The following TMEM117 variants were observed in gnomAD, a reference collection of about 807,000 sequenced individuals.
TMEM117 encodes transmembrane protein 117.
Under a neutral mutation model 52.4 loss-of-function variants are expected in TMEM117, and 27 were observed. The ratio of observed to expected loss-of-function variants is 0.51; its 90% confidence interval spans 0.38 to 0.71. TMEM117 has a LOEUF of 0.71. TMEM117 is among the 30% of genes least tolerant of loss of function. The pLI is 0.00. For missense variants in TMEM117, 556 were observed against 630.5 expected, an observed-to-expected ratio of 0.88 and a Z score of 1.26; for synonymous variants, 215 against 206.3, an observed-to-expected ratio of 1.04 and a Z score of -0.36.
chr12:43,813,825 A>G, the TMEM117 span, among the ~76,000 whole-genome samples: 2 of 151,938 alleles, frequency 1.3e-5, no homozygotes, highest in South Asian at 2.1e-4. Context: ...TTTAGCCTCA[A>G]TTTTGTTTCA....
intron 5 of TMEM117, among the ~76,000 whole-genome samples, chr12:44,230,195 G>A (rs1592625073): frequency 1.3e-5 from 2 of 152,132 alleles, no homozygotes; most frequent in Admixed American, 6.6e-5. Context: ...AGAGTGGTTC[G>A]TGACTTGCTG....
intron 3 of TMEM117, among the ~76,000 whole-genome samples, chr12:43,984,076 A>C (rs967290779): frequency 1.3e-5 from 2 of 152,100 alleles, no homozygotes; most frequent in Non-Finnish European, 2.9e-5. Context: ...GGGGATTAAA[A>C]GTATATCATG....
At chr12:43,907,375 A>T (rs904167498) in intron 2 of TMEM117, among the ~76,000 whole-genome samples, 32 of 151,310 alleles carry the variant, frequency 2.1e-4, no homozygotes, top group Non-Finnish European at 3.5e-4. Context: ...CCAAAAGTAG[A>T]TAAAACCACA....
At chr12:44,116,463 C>T (rs1041361808) in intron 3 of TMEM117, among the ~76,000 whole-genome samples, 1 of 151,900 alleles carries the variant, frequency 6.6e-6, no homozygotes, top group African/African-American at 2.4e-5. Context: ...ATTATGGCCT[C>T]AATTTCCTTT....
chr12:44,047,662 T>C (rs930998397), intron 3 of TMEM117, among the ~76,000 whole-genome samples: 5 of 152,214 alleles, frequency 3.3e-5, no homozygotes, highest in Non-Finnish European at 7.4e-5. Flanking sequence ...CCATAGACTT[T>C]GCATCTAATC....
At chr12:43,958,799 T>TTTTG (rs1555188005) in intron 3 of TMEM117, among the ~76,000 whole-genome samples, 8 of 150,976 alleles carry the variant, frequency 5.3e-5, no homozygotes, top group South Asian at 2.1e-4. Context: ...TGGTTTCTTT[T>TTTTG]TTTGTTAGTT....
intron 6 of TMEM117, among the ~76,000 whole-genome samples, chr12:44,316,328 T>C (rs1951054191): frequency 6.6e-6 from 1 of 152,202 alleles, no homozygotes. Flanking sequence ...GTATTTTTAC[T>C]TTGCTTATAA....
chr12:43,813,249 T>G, the TMEM117 span, among the ~76,000 whole-genome samples: 1 of 138,406 alleles, frequency 7.2e-6, no homozygotes, highest in Non-Finnish European at 1.6e-5. Context: ...TTTTTTTTTT[T>G]TTTTTTTTTT....
chr12:44,377,543 A>G (rs201603176), intron 7 of TMEM117, among the ~76,000 whole-genome samples: 43 of 152,304 alleles, frequency 2.8e-4, no homozygotes, highest in African/African-American at 9.9e-4. Context: ...CTTTCATGAC[A>G]TATCAGTCAT....
intron 6 of TMEM117, among the ~76,000 whole-genome samples, chr12:44,367,781 G>A (rs1331486239): frequency 1.3e-5 from 2 of 152,056 alleles, no homozygotes; most frequent in Non-Finnish European, 2.9e-5. Context: ...TTTTCTGCAA[G>A]TGTATTGGTT....
At chr12:44,382,516 T>C (rs17094569) in intron 7 of TMEM117, among the ~76,000 whole-genome samples, 4,336 of 152,320 alleles carry the variant, frequency 0.028, 73 homozygotes, top group Middle Eastern at 0.058. Context: ...TGAGTTAATA[T>C]GTGTCAAAAA....
chr12:43,989,707 GGAATCCTA>G (rs1240229538), intron 3 of TMEM117, among the ~76,000 whole-genome samples: 1 of 151,864 alleles, frequency 6.6e-6, no homozygotes, highest in Non-Finnish European at 1.5e-5. Flanking sequence ...GCTCTTGTTA[GGAATCCTA>G]GATCCATAAA....
At position 44,378,108 on chromosome 12, in the gene TMEM117, G is replaced by C. The variant is rs145846552; in HGVS notation, c.898+1384G>C. On this transcript the variant is annotated intron_variant, in intron 7 of 7. Coordinates refer to ENST00000266534, the MANE Select transcript of TMEM117 (RefSeq NM_032256.3). Reference sequence around the variant, plus strand: ...ACATGGCATCATCATATCCCTTTGGGGGGGGCTTTTGCGTAGACCATCTGT... The same window carrying C: ...ACATGGCATCATCATATCCCTTTGGCGGGGGCTTTTGCGTAGACCATCTGT... 8.7e-3 allele frequency among the ~76,000 whole-genome samples: 1,330 copies of C among 152,150 alleles called. 27 individuals are homozygous for C. Among genetic ancestry groups the C allele is most frequent in the African/African-American group, 0.026 (1,079 of 41,500 alleles).
rs745514493 is a variant in TMEM117, at chr12:44,135,160, C to G, written c.411-8365C>G. ...CCAGGAAAGATATTTCCTTCTTTCT[C>G]TCTTTTTGTATTGGTTCTAAATTAC... On this transcript the variant is annotated intron_variant, in intron 3 of 7. Coordinates refer to ENST00000266534, the MANE Select transcript of TMEM117 (RefSeq NM_032256.3). 3.5e-4 allele frequency among the ~76,000 whole-genome samples: 54 copies of G among 152,282 alleles called. 1 individual carries two copies. The highest frequency in any genetic ancestry group is 2.1e-4 in the South Asian group (1 of 4,832).
intron 2 of TMEM117, among the ~76,000 whole-genome samples, chr12:43,849,946 T>TATGAA (rs1943277703): frequency 1.3e-5 from 2 of 152,214 alleles, no homozygotes; most frequent in African/African-American, 4.8e-5. Context: ...AATAGTTATC[T>TATGAA]GCTCCTCTTG....
chr12:43,834,852 G>A (rs147581829), upstream of TMEM117, among the ~76,000 whole-genome samples: 3 of 152,234 alleles, frequency 2.0e-5, no homozygotes, highest in African/African-American at 7.2e-5. Context: ...GGGAAGTATG[G>A]CAGTGAATTC....
chr12:44,293,030 C>T (rs1288923317), intron 5 of TMEM117, among the ~76,000 whole-genome samples: 1 of 151,486 alleles, frequency 6.6e-6, no homozygotes, highest in Non-Finnish European at 1.5e-5. Flanking sequence ...AATTGAAGTC[C>T]CCTATTATTA....
At chr12:44,056,180 G>A (rs1422309724) in intron 3 of TMEM117, among the ~76,000 whole-genome samples, 1 of 151,934 alleles carries the variant, frequency 6.6e-6, no homozygotes. Context: ...GCTTACTGCA[G>A]CCTTGAACTC....
At chr12:44,386,405 T>A (rs977096307) in intron 7 of TMEM117, among the ~76,000 whole-genome samples, 2 of 152,142 alleles carry the variant, frequency 1.3e-5, no homozygotes, top group Non-Finnish European at 2.9e-5. Context: ...TACTTTCCAG[T>A]TGGGTATGCC....
Sources: gnomAD v4.1 joint callset for allele counts (sites outside exome capture counted in the v4.1 genomes callset) on GRCh38, gnomAD v4.1.1 for gene constraint, MANE v1.5 for transcripts, NCBI Gene and HGNC (gene_info 2026-07-23, HGNC 2026-07-21) for gene names.